Variants in SYNE2 observed in about 807,000 individuals in gnomAD.
SYNE2 encodes the protein spectrin repeat containing nuclear envelope protein 2, also known as nesprin-2.
Under a neutral mutation model 856.3 loss-of-function variants are expected in SYNE2, and 431 were observed. The observed-to-expected ratio is 0.50, with a 90% CI of 0.47 to 0.55. The LOEUF (loss-of-function observed/expected upper bound fraction) is 0.55. Ranked by LOEUF, SYNE2 falls within the 20% of genes least tolerant of loss-of-function variation. The pLI, the probability that SYNE2 is intolerant of heterozygous loss-of-function variation, is 0.00. For missense variants in SYNE2, 8,129 were observed against 8,023.2 expected (o/e 1.01, Z -0.50); for synonymous variants, 2,923 against 2,872.3 (o/e 1.02, Z -0.56).
intron 30 of SYNE2, among the ~76,000 whole-genome samples, chr14:64,003,655 T>A (rs985655796): frequency 1.3e-5 from 2 of 152,208 alleles, no homozygotes; most frequent in Non-Finnish European, 2.9e-5. Context: ...GGAGTTCTCC[T>A]CAGGACAGAT....
intron 63 of SYNE2, among the ~76,000 whole-genome samples, chr14:64,100,531 A>AAAAAATAT (rs1491537041): frequency 1.5e-4 from 6 of 39,490 alleles, no homozygotes; most frequent in Non-Finnish European, 2.3e-4. Context: ...AAAAAAAAAA[A>AAAAAATAT]ATATATATAT....
chr14:63,802,617 G>A (rs139654833), intron 1 of SYNE2, among the ~76,000 whole-genome samples: 112 of 152,294 alleles, frequency 7.4e-4, no homozygotes, highest in African/African-American at 2.1e-3. Context: ...TTCTGTGCCC[G>A]GAATTGGTGG....
chr14:63,778,075 A>T (rs1164372066), intron 1 of SYNE2, among the ~76,000 whole-genome samples: 1 of 151,992 alleles, frequency 6.6e-6, no homozygotes, highest in African/African-American at 2.4e-5. Flanking sequence ...CCCAAATCTC[A>T]TCTTGTATTG....
intron 85 of SYNE2, among the ~76,000 whole-genome samples, chr14:64,153,208 G>GA (rs2098258547): frequency 6.6e-6 from 1 of 152,198 alleles, no homozygotes; most frequent in South Asian, 2.1e-4. Context: ...TATAAAGGAA[G>GA]AAAGGGTGCA....
At position 64,051,776 on chromosome 14, in the gene SYNE2, G is replaced by C; in HGVS notation, c.7863G>C (p.Gln2621His). ...EQQIQKKYSQ[Q>H]VVEYDEFTTL... The stretch of plus-strand genomic sequence containing the variant: ...AGATTCAAAAGAAGTATTCTCAGCA[G>C]GTAGTGGAATATGATGAATTTACAA... The change falls in exon 48 of 116, where the codon CAG becomes CAC. Residue 2621 changes from glutamine to histidine, a missense_variant. Physicochemically the swap from Gln to His is conservative, Grantham distance 24 (BLOSUM62 0). This residue lies in a region of SYNE2 where 5,410 missense variants were observed against 5,284.8 expected (regional missense o/e 1.02). Transcript: ENST00000555002. 6.2e-7 allele frequency: 1 copy of C among 1,614,162 alleles called. No homozygotes were observed. Among genetic ancestry groups the C allele is most frequent in the South Asian group, 1.1e-5 (1 of 91,082 alleles).
intron 1 of SYNE2, among the ~76,000 whole-genome samples, chr14:63,824,832 T>A (rs1456003429): frequency 6.6e-6 from 1 of 152,082 alleles, no homozygotes. Flanking sequence ...AATTAATTTT[T>A]TTTTAAGAGT....
intron 89 of SYNE2, among the ~76,000 whole-genome samples, chr14:64,165,070 A>G (rs1420076559): frequency 6.6e-6 from 1 of 151,742 alleles, no homozygotes. Flanking sequence ...TATTTTTTGC[A>G]GAGATGGAGT....
chr14:64,000,873 G>A (rs891365630), intron 28 of SYNE2, among the ~76,000 whole-genome samples, 154 bp downstream of exon 28: 37 of 152,188 alleles, frequency 2.4e-4, no homozygotes, highest in African/African-American at 8.7e-4. Flanking sequence ...GCATTTTGCT[G>A]ATAAGGAAAC....
chr14:64,149,676 A>T (rs968377739), intron 84 of SYNE2, among the ~76,000 whole-genome samples: 3 of 152,234 alleles, frequency 2.0e-5, no homozygotes, highest in Non-Finnish European at 4.4e-5. Context: ...AGAGGAATTT[A>T]GATATTTTAA....
intron 32 of SYNE2, among the ~76,000 whole-genome samples, chr14:64,015,035 A>ATGTATATATATACATATATATG (rs1567056271): frequency 2.2e-5 from 3 of 139,424 alleles, no homozygotes; most frequent in African/African-American, 5.8e-5. Context: ...ATAAATATAT[A>ATGTATATATATACATATATATG]TGTATATATG....
intron 2 of SYNE2, among the ~76,000 whole-genome samples, chr14:63,913,433 T>G (rs1465868360): frequency 6.6e-6 from 1 of 151,326 alleles, no homozygotes; most frequent in African/African-American, 2.4e-5. Flanking sequence ...TTCATATATA[T>G]ATGTATTTTT....
intron 76 of SYNE2, 22 bp from the exon 77 acceptor site, chr14:64,132,243 T>G: frequency 6.2e-7 from 1 of 1,612,066 alleles, no homozygotes; most frequent in Non-Finnish European, 8.5e-7. Context: ...AAGTAAATAT[T>G]AAAACTTTCT....
rs2098305202 is a variant in SYNE2, at chr14:64,158,672, G to A, written c.15840G>A (p.Lys5280=). The change falls in exon 86 of 116, where the codon AAG becomes AAA. Residue 5280 remains lysine (K), a synonymous_variant. Transcript: ENST00000555002. ...TSMQSVLQEW[K]IYDQLYDEVN... is the part of the protein sequence containing the mutation. ...TGCAGTCAGTTTTACAGGAGTGGAA[G>A]ATTTATGATCAACTCTATGATGAAG... 6.2e-7 allele frequency: 1 copy of A among 1,613,946 alleles called. No individual in the cohort carries two copies. The highest frequency in any genetic ancestry group is 2.2e-5 in the East Asian group (1 of 44,868).
chr14:63,766,093 T>G (rs1480649880), intron 1 of SYNE2, among the ~76,000 whole-genome samples: 1 of 151,940 alleles, frequency 6.6e-6, no homozygotes, highest in East Asian at 1.9e-4. Flanking sequence ...TTTTTTTTTT[T>G]TTTTTAAGAG....
intron 1 of SYNE2, among the ~76,000 whole-genome samples, chr14:63,788,709 A>G (rs1396973022): frequency 2.0e-5 from 3 of 152,044 alleles, no homozygotes; most frequent in Non-Finnish European, 2.9e-5. Context: ...CCCCAGCCGC[A>G]CCTCCCCACT....
intron 99 of SYNE2, among the ~76,000 whole-genome samples, chr14:64,193,471 A>T (rs937533680): frequency 6.6e-6 from 1 of 151,856 alleles, no homozygotes; most frequent in Non-Finnish European, 1.5e-5. Context: ...AATGACTTGA[A>T]CCTGGGAGGT....
chr14:64,201,404 C>T (rs2098564361), intron 99 of SYNE2, among the ~76,000 whole-genome samples: 1 of 152,166 alleles, frequency 6.6e-6, no homozygotes, highest in Non-Finnish European at 1.5e-5. Context: ...CCCACCAGGC[C>T]CTGTGGGAGG....
chr14:64,022,260 C>G (rs2096940998), intron 37 of SYNE2, among the ~76,000 whole-genome samples: 1 of 152,178 alleles, frequency 6.6e-6, no homozygotes, highest in Admixed American at 6.5e-5. Flanking sequence ...AGGTAAGTCA[C>G]TAAGGTCCTA....
In SYNE2 at chr14:64,098,822, G is replaced by A. The variant is rs778758578; in HGVS notation, c.12381+1G>A. On this transcript the variant is annotated splice_donor_variant, in intron 63 of 115. Coordinates refer to ENST00000555002, the MANE Select transcript of SYNE2 (RefSeq NM_182914.3). LOFTEE classifies it high-confidence loss of function. ...GGAAGAAAGTTCCGTGAAGAGCGAT[G>A]TAAGGGAAATGATTTTCTTGTTAAA... is the stretch of plus-strand genomic sequence containing the variant. 1.9e-6 allele frequency: 3 copies of A among 1,613,810 alleles called. No individual in the cohort carries two copies. The African/African-American group carries it at 4.0e-5, about 22-fold the overall frequency.
Sources: allele counts gnomAD v4.1 joint callset (sites outside exome capture counted in the v4.1 genomes callset), GRCh38; gene constraint gnomAD v4.1.1; regional missense constraint gnomAD v4.1.1; transcripts MANE v1.5; gene names NCBI Gene and HGNC (gene_info 2026-07-23, HGNC 2026-07-21).